The following RANBP2 variants were observed in gnomAD, a reference collection of about 807,000 sequenced individuals.
RANBP2 encodes RAN binding protein 2.
A neutral mutation model predicts 303.6 loss-of-function variants in RANBP2; 57 were observed. The ratio of observed to expected loss-of-function variants is 0.19; its 90% CI spans 0.15 to 0.23. RANBP2 has a LOEUF of 0.23. Among genes scored for constraint, RANBP2 ranks in the 10% least tolerant of loss-of-function variants. RANBP2 has a pLI of 1.00. For missense variants in RANBP2, 3,138 were observed against 3,780.8 expected, an observed-to-expected ratio of 0.83 and a Z score of 4.46; for synonymous variants, 1,167 against 1,301.5, an observed-to-expected ratio of 0.90 and a Z score of 2.23.
the RANBP2 span, chr2:109,449,346 ACAT>A: frequency 6.2e-7 from 1 of 1,606,570 alleles, no homozygotes; most frequent in Non-Finnish European, 8.5e-7. Flanking sequence ...CATCCCCCTC[ACAT>A]CAGCAGCATC....
the RANBP2 span, among the ~76,000 whole-genome samples, chr2:109,009,076 G>A: frequency 1.3e-5 from 2 of 150,436 alleles, no homozygotes; most frequent in African/African-American, 2.4e-5. Flanking sequence ...ATGGTGGCTC[G>A]AGCCTATAAT....
the RANBP2 span, among the ~76,000 whole-genome samples, chr2:109,458,625 G>A: frequency 1.3e-5 from 1 of 74,932 alleles, no homozygotes; most frequent in East Asian, 4.3e-4. Context: ...AAGGAATTAT[G>A]TGACTGTGGA....
chr2:108,946,426 C>G, the RANBP2 span, among the ~76,000 whole-genome samples: 2 of 152,230 alleles, frequency 1.3e-5, no homozygotes, highest in African/African-American at 4.8e-5. Context: ...GGACTGGTGT[C>G]AGGAATATTG....
chr2:109,052,696 C>T, the RANBP2 span, among the ~76,000 whole-genome samples: 1 of 152,140 alleles, frequency 6.6e-6, no homozygotes, highest in Non-Finnish European at 1.5e-5. Flanking sequence ...GACGGGGTTT[C>T]ACCATGTTGG....
the RANBP2 span, among the ~76,000 whole-genome samples, chr2:109,210,619 C>G: frequency 6.6e-6 from 1 of 152,136 alleles, no homozygotes; most frequent in Non-Finnish European, 1.5e-5. Flanking sequence ...AGGGAAGTGC[C>G]TGGGCCTGGT....
At chr2:108,827,367 AAAAGAG>A in the RANBP2 span, among the ~76,000 whole-genome samples, 2 of 152,216 alleles carry the variant, frequency 1.3e-5, no homozygotes, top group African/African-American at 4.8e-5. Context: ...TAAAATAAAT[AAAAGAG>A]AAAATGTGCA....
chr2:108,929,531 C>T, the RANBP2 span: 3 of 794,850 alleles, frequency 3.8e-6, no homozygotes, highest in African/African-American at 3.4e-5. Flanking sequence ...ACTGCAAAAC[C>T]CCCCAGGAAC....
chr2:109,199,617 TGG>T, the RANBP2 span, among the ~76,000 whole-genome samples: 2 of 258 alleles, frequency 7.8e-3, 1 homozygote, highest in African/African-American at 0.024. Flanking sequence ...TGGAATGGAA[TGG>T]AATGGAATGG....
intron 4 of RANBP2, among the ~76,000 whole-genome samples, chr2:108,732,702 A>G (rs925996990): frequency 1.3e-5 from 2 of 152,162 alleles, no homozygotes; most frequent in East Asian, 3.9e-4. Context: ...TTTTGTAGTG[A>G]TGCTATTTAC....
the RANBP2 span, chr2:109,129,458 C>T: frequency 2.0e-6 from 3 of 1,495,212 alleles, no homozygotes; most frequent in Admixed American, 4.2e-5. Context: ...GCTCCCCAGT[C>T]CTGATGCTGG....
the RANBP2 span, among the ~76,000 whole-genome samples, chr2:108,918,253 C>A: frequency 6.6e-6 from 1 of 152,200 alleles, no homozygotes; most frequent in Admixed American, 6.5e-5. Flanking sequence ...ACCCCCTGCA[C>A]CTGCACCCAA....
At chr2:108,939,972 C>T in the RANBP2 span, among the ~76,000 whole-genome samples, 1 of 152,220 alleles carries the variant, frequency 6.6e-6, no homozygotes, top group African/African-American at 2.4e-5. Flanking sequence ...GCTGATTCTG[C>T]TTCACAACAA....
the RANBP2 span, among the ~76,000 whole-genome samples, chr2:109,463,301 G>A: frequency 6.6e-6 from 1 of 152,302 alleles, no homozygotes; most frequent in South Asian, 2.1e-4. Context: ...TGTCTGTTTT[G>A]GTAACTTGTC....
chr2:109,033,723 C>T, the RANBP2 span, among the ~76,000 whole-genome samples: 22 of 148,474 alleles, frequency 1.5e-4, no homozygotes, highest in South Asian at 1.5e-3. Context: ...GAGGCTGAGG[C>T]GGGTGGATCA....
At chr2:109,045,557 G>A in the RANBP2 span, among the ~76,000 whole-genome samples, 1 of 152,120 alleles carries the variant, frequency 6.6e-6, no homozygotes, top group Admixed American at 6.5e-5. Context: ...TATAAAGGAG[G>A]TGCAAGCAAA....
At chr2:109,419,514 C>T in the RANBP2 span, 2 of 1,569,358 alleles carry the variant, frequency 1.3e-6, no homozygotes, top group East Asian at 4.7e-5. Flanking sequence ...TCTCCTCACT[C>T]CTGTCCCCTC....
At chr2:108,778,870 A>G (rs1490723288) in intron 25 of RANBP2, among the ~76,000 whole-genome samples, 4 of 152,070 alleles carry the variant, frequency 2.6e-5, no homozygotes, top group Non-Finnish European at 5.9e-5. Flanking sequence ...CTGGGACCAC[A>G]GGTGTGTACC....
At chr2:109,125,378 C>T in the RANBP2 span, among the ~76,000 whole-genome samples, 3 of 152,294 alleles carry the variant, frequency 2.0e-5, no homozygotes, top group South Asian at 2.1e-4. Flanking sequence ...AATTTTGGGC[C>T]GCCAAAAACC....
the RANBP2 span, among the ~76,000 whole-genome samples, chr2:109,193,016 G>A: frequency 1.3e-5 from 2 of 152,232 alleles, no homozygotes; most frequent in Non-Finnish European, 2.9e-5. Context: ...TGGAAAAGTT[G>A]TAATACAGAT....
Sources: gnomAD v4.1 joint callset for allele counts (sites outside exome capture counted in the v4.1 genomes callset) on GRCh38, gnomAD v4.1.1 for gene constraint, MANE v1.5 for transcripts, NCBI Gene and HGNC (gene_info 2026-07-23, HGNC 2026-07-21) for gene names.